The following LTBP1 variants were observed in gnomAD, a reference collection of about 807,000 sequenced individuals.
LTBP1 encodes latent-transforming growth factor beta-binding protein 1.
LTBP1 carries 129 observed loss-of-function variants against 207.6 expected under a neutral mutation model. The ratio of observed to expected loss-of-function variants is 0.62; its 90% CI spans 0.54 to 0.72. The LOEUF (loss-of-function observed/expected upper bound fraction) is 0.72. Among genes scored for constraint, LTBP1 ranks in the 30% least tolerant of loss-of-function variants. The pLI is 0.00. For synonymous variants in LTBP1, 963 were observed against 833.7 expected (o/e 1.16, Z -2.67); for missense variants, 2,281 against 2,217.2 (o/e 1.03, Z -0.58).
At chr2:33,312,070 G>A (rs1023723466) in intron 23 of LTBP1, among the ~76,000 whole-genome samples, 4 of 152,114 alleles carry the variant, frequency 2.6e-5, no homozygotes, top group African/African-American at 9.7e-5. Context: ...TACTCACCTC[G>A]TTTTGAATTA....
intron 3 of LTBP1, among the ~76,000 whole-genome samples, chr2:33,060,894 A>C (rs2077239552): frequency 6.6e-6 from 1 of 152,028 alleles, no homozygotes; most frequent in South Asian, 2.1e-4. Flanking sequence ...AAATTATATT[A>C]CTTTTTTTTT....
At chr2:33,386,557 G>A (rs1295245668) in intron 31 of LTBP1, among the ~76,000 whole-genome samples, 1 of 152,224 alleles carries the variant, frequency 6.6e-6, no homozygotes, top group Non-Finnish European at 1.5e-5. Context: ...AAGCACGGCA[G>A]CTCGCACCTG....
chr2:33,328,673 C>T (rs539545860), intron 24 of LTBP1, among the ~76,000 whole-genome samples: 6 of 152,178 alleles, frequency 3.9e-5, no homozygotes, highest in Non-Finnish European at 8.8e-5. Flanking sequence ...CCACCTAGTT[C>T]TGCCCTTGAC....
At chr2:33,228,810 C>T (rs1397170709) in intron 9 of LTBP1, among the ~76,000 whole-genome samples, 1 of 149,678 alleles carries the variant, frequency 6.7e-6, no homozygotes, top group Non-Finnish European at 1.5e-5. Flanking sequence ...AGCGATTCCC[C>T]TGCCTCGGCC....
In LTBP1 at chr2:33,252,671, C is replaced by T; in HGVS notation, c.2000-6C>T. 6.2e-7 allele frequency: 1 copy of T among 1,607,198 alleles called. No individual in the cohort carries two copies. The highest frequency in any genetic ancestry group is 1.1e-5 in the South Asian group (1 of 90,372). ...TGTAATGTCGGGCTTTATCTCTCTG[C>T]TTCAGCTGATCCCCCTGTGATCTCG... is the stretch of plus-strand genomic sequence containing the variant. On this transcript the variant is annotated splice_region_variant and splice_polypyrimidine_tract_variant and intron_variant, in intron 10 of 33. Coordinates refer to ENST00000404816, the MANE Select transcript of LTBP1 (RefSeq NM_206943.4).
In LTBP1 at chr2:33,273,760, G is replaced by C; in HGVS notation, c.2722G>C (p.Glu908Gln). ...CICYEGYRFS[E>Q]QQRKCVDIDE... ...ATGCTACGAGGGCTACAGGTTCAGT[G>C]AACAACAGAGGAAATGTGTGGGTAA... is the stretch of plus-strand genomic sequence containing the variant. Residue 908 changes from glutamate (E) to glutamine (Q), a missense_variant, in exon 16 of 34, where the codon GAA (glutamate) becomes CAA (glutamine). By Grantham distance (29) the Glu-to-Gln change is conservative. This residue lies in a region of LTBP1 where 1,671 missense variants were observed against 1,634.8 expected (regional missense o/e 1.02). Coordinates refer to ENST00000404816, the MANE Select transcript of LTBP1 (RefSeq NM_206943.4). 1 of 1,607,498 alleles carries C rather than the reference G, an allele frequency of 6.2e-7. No individual in the cohort carries two copies. The highest frequency in any genetic ancestry group is 8.5e-7 in the Non-Finnish European group (1 of 1,177,514).
intron 2 of LTBP1, among the ~76,000 whole-genome samples, chr2:33,008,306 C>T (rs1007145308): frequency 2.0e-5 from 3 of 152,026 alleles, no homozygotes; most frequent in African/African-American, 4.8e-5. Context: ...ATCATATAGT[C>T]GAGTGAATAG....
At chr2:33,274,411 T>C (rs1443847595) in intron 16 of LTBP1, among the ~76,000 whole-genome samples, 2 of 152,112 alleles carry the variant, frequency 1.3e-5, no homozygotes, top group African/African-American at 4.8e-5. Context: ...GGAACATATC[T>C]AATTAATACT....
intron 2 of LTBP1, among the ~76,000 whole-genome samples, chr2:33,006,628 C>T (rs1210287845): frequency 6.6e-6 from 1 of 150,630 alleles, no homozygotes; most frequent in Non-Finnish European, 1.5e-5. Context: ...AGTGATCTGC[C>T]CATCTTGATC....
chr2:33,040,411 G>A (rs2076125726), intron 3 of LTBP1, among the ~76,000 whole-genome samples: 2 of 152,232 alleles, frequency 1.3e-5, no homozygotes, highest in African/African-American at 2.4e-5. Flanking sequence ...ATGTGTACAT[G>A]CATAGAATAA....
chr2:33,009,889 T>C (rs561542658), intron 2 of LTBP1, among the ~76,000 whole-genome samples: 1 of 152,256 alleles, frequency 6.6e-6, no homozygotes, highest in East Asian at 1.9e-4. Flanking sequence ...GATGAGACCG[T>C]TGGATGTGGA....
chr2:33,064,792 G>C (rs2077425258), intron 3 of LTBP1, among the ~76,000 whole-genome samples: 1 of 152,138 alleles, frequency 6.6e-6, no homozygotes, highest in East Asian at 1.9e-4. Flanking sequence ...AACACAGAAG[G>C]CACATGGGTA....
intron 4 of LTBP1, among the ~76,000 whole-genome samples, chr2:33,130,733 G>T (rs995874482): frequency 2.6e-5 from 4 of 152,104 alleles, no homozygotes; most frequent in Non-Finnish European, 5.9e-5. Flanking sequence ...CTGCAGACAG[G>T]ATGTTGACTC....
At chr2:33,358,084 C>G (rs2094885739) in intron 26 of LTBP1, among the ~76,000 whole-genome samples, 1 of 152,070 alleles carries the variant, frequency 6.6e-6, no homozygotes, top group African/African-American at 2.4e-5. Flanking sequence ...CCAGAATGAC[C>G]TTTGTGGACT....
intron 3 of LTBP1, among the ~76,000 whole-genome samples, chr2:33,051,135 C>T (rs1276083920): frequency 3.9e-5 from 6 of 152,094 alleles, no homozygotes; most frequent in Admixed American, 2.0e-4. Context: ...CTATAGTCCC[C>T]GCCCGTTGTG....
chr2:32,986,537 C>T (rs1161142457), intron 2 of LTBP1, among the ~76,000 whole-genome samples: 1 of 152,160 alleles, frequency 6.6e-6, no homozygotes, highest in Non-Finnish European at 1.5e-5. Flanking sequence ...ATTTGCAGGG[C>T]TCAGTGCACA....
intron 3 of LTBP1, among the ~76,000 whole-genome samples, chr2:33,051,170 G>A (rs1373748585): frequency 1.3e-5 from 2 of 152,074 alleles, no homozygotes; most frequent in Non-Finnish European, 2.9e-5. Flanking sequence ...TGATCACAGC[G>A]CTTTAGGAGG....
At chr2:33,254,949 T>A (rs531604684) in intron 11 of LTBP1, among the ~76,000 whole-genome samples, 14 of 143,854 alleles carry the variant, frequency 9.7e-5, no homozygotes, top group Admixed American at 2.1e-4. Context: ...TATTATACTT[T>A]AAGTTTTAGG....
intron 24 of LTBP1, among the ~76,000 whole-genome samples, chr2:33,333,704 C>A (rs546440593): frequency 2.6e-4 from 40 of 151,988 alleles, no homozygotes; most frequent in African/African-American, 9.7e-4. Context: ...TTAGAGTTGC[C>A]TGTGAAATAT....
Sources: gnomAD v4.1 joint callset for allele counts (sites outside exome capture counted in the v4.1 genomes callset) on GRCh38, gnomAD v4.1.1 for gene constraint, gnomAD v4.1.1 regional missense constraint, MANE v1.5 for transcripts, NCBI Gene and HGNC (gene_info 2026-07-23, HGNC 2026-07-21) for gene names.